Variants in UNC5D observed in about 807,000 individuals in gnomAD.
The protein encoded by UNC5D is unc-5 netrin receptor D, also known as netrin receptor UNC5D.
UNC5D carries 39 observed loss-of-function variants against 105.4 expected under a neutral mutation model. The ratio of observed to expected loss-of-function variants is 0.37; its 90% CI spans 0.29 to 0.48. The LOEUF (loss-of-function observed/expected upper bound fraction) is 0.48, where lower values mean the gene tolerates loss of function less well. UNC5D is among the 20% of genes least tolerant of loss of function. The pLI is 0.98. For missense variants in UNC5D, 991 were observed against 1,202.4 expected (o/e 0.82, Z 2.60); for synonymous variants, 452 against 450.4 (o/e 1.00, Z -0.04).
chr8:35,357,832 C>A (rs1801645536), intron 1 of UNC5D, among the ~76,000 whole-genome samples: 1 of 152,106 alleles, frequency 6.6e-6, no homozygotes, highest in African/African-American at 2.4e-5. Context: ...TCATTGAGAA[C>A]ATGCTTTTGC....
At chr8:35,741,728 A>G (rs1829773661) in intron 11 of UNC5D, among the ~76,000 whole-genome samples, 2 of 152,124 alleles carry the variant, frequency 1.3e-5, no homozygotes, top group African/African-American at 2.4e-5. Context: ...GGACTGTCCT[A>G]TATTTGATGG....
intron 1 of UNC5D, among the ~76,000 whole-genome samples, chr8:35,495,496 T>C (rs1311226948): frequency 3.0e-5 from 4 of 134,844 alleles, no homozygotes; most frequent in Non-Finnish European, 6.4e-5. Flanking sequence ...AAAAATCTCA[T>C]AATGTGTTAA....
intron 1 of UNC5D, among the ~76,000 whole-genome samples, chr8:35,353,592 T>C (rs1304447977): frequency 7.9e-5 from 12 of 152,178 alleles, no homozygotes; most frequent in Admixed American, 7.9e-4. Context: ...AGGTAATTCA[T>C]CACAACATTG....
intron 1 of UNC5D, among the ~76,000 whole-genome samples, chr8:35,434,233 G>A (rs569277944): frequency 6.6e-6 from 1 of 152,078 alleles, no homozygotes; most frequent in South Asian, 2.1e-4. Context: ...ATCAGCTCAT[G>A]TATAAAATTG....
At chr8:35,773,894 T>A (rs952589587) in intron 15 of UNC5D, among the ~76,000 whole-genome samples, 3 of 152,060 alleles carry the variant, frequency 2.0e-5, no homozygotes, top group African/African-American at 7.2e-5. Context: ...AGCTAATTCT[T>A]TATATTTTTA....
chr8:35,290,179 T>G (rs534082794), intron 1 of UNC5D, among the ~76,000 whole-genome samples: 1 of 152,104 alleles, frequency 6.6e-6, no homozygotes, highest in Non-Finnish European at 1.5e-5. Flanking sequence ...TCAAAGGAAC[T>G]GAAATCAATG....
At chr8:35,724,126 C>T in intron 9 of UNC5D, 1 of 1,420,702 alleles carries the variant, frequency 7.0e-7, no homozygotes, top group Non-Finnish European at 9.2e-7. Flanking sequence ...GATCCCTGGC[C>T]TACACCTGTC....
intron 3 of UNC5D, among the ~76,000 whole-genome samples, chr8:35,576,647 C>T (rs1459402202): frequency 6.6e-6 from 1 of 152,154 alleles, no homozygotes; most frequent in Non-Finnish European, 1.5e-5. Flanking sequence ...GAGTCTCACT[C>T]TGTCACCCAG....
At chr8:35,600,155 G>A (rs1189449874) in intron 4 of UNC5D, among the ~76,000 whole-genome samples, 1 of 152,154 alleles carries the variant, frequency 6.6e-6, no homozygotes, top group Non-Finnish European at 1.5e-5. Context: ...TGGCTGCATA[G>A]TATTCCATGG....
intron 1 of UNC5D, among the ~76,000 whole-genome samples, chr8:35,456,101 G>A (rs540367413): frequency 1.3e-5 from 2 of 152,266 alleles, no homozygotes; most frequent in Admixed American, 6.5e-5. Flanking sequence ...TTTTAAGGAG[G>A]AGAATCCATT....
In UNC5D at chr8:35,704,746, T is replaced by G. The variant is rs533733028; in HGVS notation, c.1085-1183T>G. Among the ~76,000 whole-genome samples, 3 of 152,196 alleles carry G rather than the reference T, an allele frequency of 2.0e-5. No homozygotes were observed. In the South Asian group the frequency reaches 6.2e-4, roughly 32 times the overall value. ...GGGTTCCTGCATGGTGGTGGAGTTG[T>G]GTGAGCCTGAGATGGACGAGGGCAG... On this transcript the variant is annotated intron_variant, in intron 7 of 16. Transcript: ENST00000404895.
At chr8:35,610,825 G>A (rs1280689544) in intron 4 of UNC5D, among the ~76,000 whole-genome samples, 1 of 151,988 alleles carries the variant, frequency 6.6e-6, no homozygotes, top group Non-Finnish European at 1.5e-5. Flanking sequence ...AGTGGGGTAT[G>A]GAAATGATAG....
intron 1 of UNC5D, among the ~76,000 whole-genome samples, chr8:35,282,312 A>G (rs1455835294): frequency 6.6e-6 from 1 of 152,176 alleles, no homozygotes; most frequent in African/African-American, 2.4e-5. Flanking sequence ...CTGTTTACTG[A>G]TAAAATTTGG....
intron 1 of UNC5D, among the ~76,000 whole-genome samples, chr8:35,493,350 G>A (rs1811340542): frequency 6.9e-6 from 1 of 145,958 alleles, no homozygotes; most frequent in African/African-American, 2.5e-5. Context: ...TTGCCTTCTA[G>A]TCAAGCATCT....
intron 1 of UNC5D, among the ~76,000 whole-genome samples, chr8:35,538,397 ATATATATATATATATATATATAT>A (rs1815004801): frequency 1.5e-4 from 7 of 47,018 alleles, no homozygotes; most frequent in African/African-American, 5.0e-4. Context: ...AAAAATAATT[ATATATATATATATATATATATAT>A]ATATATATAT....
chr8:35,309,155 C>A (rs1043309627), intron 1 of UNC5D, among the ~76,000 whole-genome samples: 1 of 152,104 alleles, frequency 6.6e-6, no homozygotes, highest in African/African-American at 2.4e-5. Context: ...TGTGAAATGC[C>A]CCCACATTTT....
At chr8:35,485,092 G>A (rs781219382) in intron 1 of UNC5D, among the ~76,000 whole-genome samples, 29 of 152,042 alleles carry the variant, frequency 1.9e-4, no homozygotes, top group Non-Finnish European at 3.8e-4. Flanking sequence ...TCATTGGATC[G>A]CTCTCCCCTA....
chr8:35,502,450 C>A (rs1284618682), intron 1 of UNC5D, among the ~76,000 whole-genome samples: 1 of 152,182 alleles, frequency 6.6e-6, no homozygotes, highest in Non-Finnish European at 1.5e-5. Flanking sequence ...TTCAGTCCTG[C>A]CAATTCTTCC....
At chr8:35,751,142 G>A (rs934311869) in intron 13 of UNC5D, among the ~76,000 whole-genome samples, 6 of 152,140 alleles carry the variant, frequency 3.9e-5, no homozygotes, top group Admixed American at 3.9e-4. Context: ...CTGACTGGTT[G>A]CTTCAGAGAT....
Sources: allele counts gnomAD v4.1 joint callset (sites outside exome capture counted in the v4.1 genomes callset), GRCh38; gene constraint gnomAD v4.1.1; transcripts MANE v1.5; gene names NCBI Gene and HGNC (gene_info 2026-07-23, HGNC 2026-07-21).